IAH1: variants seen among roughly 807,000 people sequenced by gnomAD.
The protein encoded by IAH1 is isoamyl acetate-hydrolyzing esterase 1 homolog.
Under a neutral mutation model 26.7 loss-of-function variants are expected in IAH1, and 24 were observed. That is an observed-to-expected ratio of 0.90 (90% CI 0.65 to 1.26). The LOEUF (loss-of-function observed/expected upper bound fraction) is 1.26, where lower values mean the gene tolerates loss of function less well. Ranked by LOEUF, IAH1 falls within the 50% of genes most tolerant of loss-of-function variation. The pLI is 0.00. For synonymous variants in IAH1, 140 were observed against 118.5 expected (o/e 1.18, Z -1.18); for missense variants, 300 against 299.9 (o/e 1.00, Z 0.00).
At chr2:9,498,252 A>C (rs13028684), downstream of IAH1, among the ~76,000 whole-genome samples, 88,412 of 151,966 alleles carry the variant, frequency 0.58, 27,066 homozygotes, top group African/African-American at 0.71. Context: ...ATGCTGGTGT[A>C]AAACTGCTGG....
intron 5 of IAH1, among the ~76,000 whole-genome samples, chr2:9,487,842 G>GCGCGCGCGCGCGCGCA (rs1553354428): frequency 1.4e-5 from 2 of 139,526 alleles, no homozygotes; most frequent in African/African-American, 5.9e-5. Context: ...GTGCGCGCGC[G>GCGCGCGCGCGCGCGCA]CGCGCGCGCT....
chr2:9,510,021 G>A, the IAH1 span: 5 of 1,614,116 alleles, frequency 3.1e-6, no homozygotes, highest in Admixed American at 5.0e-5. Context: ...TGGGATACAT[G>A]ACATATTTCC....
downstream of IAH1, chr2:9,492,898 C>A: frequency 6.2e-7 from 1 of 1,606,590 alleles, no homozygotes. Context: ...GATGACTTAC[C>A]ACACAATGGA....
rs774583002 is a variant in IAH1, at chr2:9,476,015, C to T, written c.110C>T (p.Ala37Val). The change falls in exon 2 of 6, where the codon GCA becomes GTA. Residue 37 changes from alanine to valine, a missense_variant. Transcript: ENST00000497473. ...TCCTTCCAGCAGGGTGGATGGGGAG[C>T]ATCGCTGGCTGACAGGCTGGTCAGG... ...QFSFQQGGWGASLADRLVRKC... is the reference protein window; with the variant it reads ...QFSFQQGGWGVSLADRLVRKC... The T allele has an allele frequency of 1.2e-6, 2 of 1,613,766 alleles. No homozygotes were observed. Among genetic ancestry groups the T allele is most frequent in the African/African-American group, 1.3e-5 (1 of 75,026 alleles).
chr2:9,502,413 C>T, the IAH1 span: 15 of 687,766 alleles, frequency 2.2e-5, no homozygotes, highest in African/African-American at 3.6e-5. Flanking sequence ...CCTACATCAT[C>T]AGACATCTCC....
downstream of IAH1, among the ~76,000 whole-genome samples, chr2:9,501,262 G>T (rs371039021): frequency 3.3e-5 from 5 of 152,132 alleles, no homozygotes; most frequent in East Asian, 5.8e-4. Flanking sequence ...AAAAAAAAAA[G>T]TAAGAACAAG....
intron 2 of IAH1, among the ~76,000 whole-genome samples, chr2:9,477,570 A>C (rs1660887424): frequency 6.6e-6 from 1 of 151,806 alleles, no homozygotes; most frequent in Non-Finnish European, 1.5e-5. Context: ...CTTAACTGGG[A>C]TTCTCCTCAC....
At chr2:9,506,353 A>G in the IAH1 span, among the ~76,000 whole-genome samples, 1 of 149,656 alleles carries the variant, frequency 6.7e-6, no homozygotes, top group Non-Finnish European at 1.5e-5. Flanking sequence ...AAACATCTTC[A>G]AATCTGTTTT....
chr2:9,495,860 C>CT (rs34087915), intron 6 of IAH1, among the ~76,000 whole-genome samples: 510 of 138,658 alleles, frequency 3.7e-3, no homozygotes, highest in East Asian at 8.1e-3. Flanking sequence ...TACGTGTTAC[C>CT]TTTTTTTTTT....
In IAH1 at chr2:9,474,572, G is replaced by A. The variant is rs541931512; in HGVS notation, c.6G>A (p.Ala2=). Residue 2 remains alanine (A), a synonymous_variant, in exon 1 of 6, where the codon GCG becomes GCA. Transcript: ENST00000497473. This position sits in a 1 kb window ranked among gnomAD's most constrained non-coding sequence, Gnocchi z 4.3. ...CCGCCCCGCCCGGCTGCTCCATGGC[G>A]CTGTGCGAGGCCGCGGGCTGCGGGA... M[A]LCEAAGCGSA... 9.3e-6 allele frequency: 14 copies of A among 1,503,250 alleles called. No homozygotes were observed. Among genetic ancestry groups the A allele is most frequent in the Non-Finnish European group, 1.2e-5 (14 of 1,125,588 alleles). The allele number at this position is 1,503,250 out of a possible 1,614,324, so 93.1% of individuals were successfully genotyped here. A position where few individuals can be genotyped will look rare whatever the true frequency, so the allele number is the denominator to read the frequency against.
chr2:9,509,567 CT>C, the IAH1 span, among the ~76,000 whole-genome samples: 2 of 152,170 alleles, frequency 1.3e-5, no homozygotes, highest in Non-Finnish European at 2.9e-5. Flanking sequence ...GTCAGGCAAA[CT>C]ATGTGTTTAA....
intron 4 of IAH1, among the ~76,000 whole-genome samples, chr2:9,482,740 A>G (rs903895187): frequency 7.2e-5 from 11 of 152,192 alleles, no homozygotes; most frequent in African/African-American, 2.4e-4. Flanking sequence ...GAAGGATCCA[A>G]TGCGTTCTCA....
At chr2:9,491,665 A>G (rs1558491254), downstream of IAH1, among the ~76,000 whole-genome samples, 1 of 152,078 alleles carries the variant, frequency 6.6e-6, no homozygotes, top group Non-Finnish European at 1.5e-5. Flanking sequence ...CCTACATCCT[A>G]CTTCTGCAGA....
At chr2:9,494,317 A>T (rs575185987), downstream of IAH1, among the ~76,000 whole-genome samples, 1 of 152,320 alleles carries the variant, frequency 6.6e-6, no homozygotes, top group East Asian at 1.9e-4. Flanking sequence ...ATAATTTTGC[A>T]ATCTTAGTCA....
chr2:9,501,110 T>C (rs769529712), downstream of IAH1, among the ~76,000 whole-genome samples: 1 of 152,092 alleles, frequency 6.6e-6, no homozygotes, highest in Non-Finnish European at 1.5e-5. Flanking sequence ...AAATTCACAG[T>C]AGTGAAATAA....
intron 2 of IAH1, 85 bp from the exon 3 acceptor site, chr2:9,478,137 A>C (rs1317157295): frequency 8.0e-7 from 1 of 1,242,356 alleles, no homozygotes; most frequent in Admixed American, 2.8e-5. Flanking sequence ...AGAATCCCAG[A>C]GAGCACACCC....
chr2:9,475,445 A>G (rs1027927210), intron 1 of IAH1, among the ~76,000 whole-genome samples: 1 of 149,292 alleles, frequency 6.7e-6, no homozygotes, highest in Non-Finnish European at 1.5e-5. Flanking sequence ...TCATTTCCTC[A>G]CTGACCTTTG....
chr2:9,482,048 T>TTG (rs1553352756), intron 4 of IAH1, among the ~76,000 whole-genome samples: 78 of 151,294 alleles, frequency 5.2e-4, no homozygotes, highest in Admixed American at 2.4e-3. Context: ...TTTTTTTTTT[T>TTG]GGAGATAGAG....
chr2:9,509,630 AAATG>A, the IAH1 span, among the ~76,000 whole-genome samples: 1 of 152,248 alleles, frequency 6.6e-6, no homozygotes, highest in African/African-American at 2.4e-5. Context: ...TGTAGAGTTA[AAATG>A]AATGACAACT....
Sources: gnomAD v4.1 joint callset for allele counts (sites outside exome capture counted in the v4.1 genomes callset) on GRCh38, gnomAD v4.1.1 for gene constraint, Gnocchi (gnomAD v3.1) non-coding constraint, MANE v1.5 for transcripts, NCBI Gene and HGNC (gene_info 2026-07-23, HGNC 2026-07-21) for gene names.